RGS3: variants seen among roughly 807,000 people sequenced by gnomAD.
RGS3 encodes regulator of G-protein signalling 3.
RGS3 carries 80 observed loss-of-function variants against 132.6 expected under a neutral mutation model. The ratio of observed to expected loss-of-function variants is 0.60; its 90% confidence interval spans 0.50 to 0.73. RGS3 has a LOEUF of 0.73. Among genes scored for constraint, RGS3 ranks in the 30% least tolerant of loss-of-function variants. The pLI, the probability that RGS3 is intolerant of heterozygous loss-of-function variation, is 0.00. For missense variants in RGS3, 1,382 were observed against 1,530.8 expected (o/e 0.90, Z 1.62); for synonymous variants, 598 against 620.6 (o/e 0.96, Z 0.54).
chr9:113,530,670 T>C (rs929497974), intron 18 of RGS3, among the ~76,000 whole-genome samples: 1 of 152,266 alleles, frequency 6.6e-6, no homozygotes, highest in Non-Finnish European at 1.5e-5. Context: ...AAAGGACTTC[T>C]GCTCCATTAG....
At chr9:113,495,357 C>T (rs1830647774) in intron 7 of RGS3, among the ~76,000 whole-genome samples, 3 of 152,202 alleles carry the variant, frequency 2.0e-5, no homozygotes, top group African/African-American at 7.2e-5. Flanking sequence ...CTGCTCAGCT[C>T]CTTCCTGGAC....
At chr9:113,461,727 CTTTGCCCAA>C in exon 2 of RGS3, 1 of 1,614,018 alleles carries the variant, frequency 6.2e-7, no homozygotes. Context: ...GACAGCACAC[CTTTGCCCAA>C]TTTTCTTTCT....
At chr9:113,594,354 C>A (rs1835631114) in intron 21 of RGS3, 76 bp from the exon 20 acceptor site, 1 of 1,596,622 alleles carries the variant, frequency 6.3e-7, no homozygotes, top group Non-Finnish European at 8.5e-7. Context: ...TGCCCTCGAC[C>A]CAGCTCTCCC....
At position 113,553,459 on chromosome 9, in the gene RGS3, A is replaced by AAAAAAATATAT. The variant is rs1426114805; in HGVS notation, c.2037+16542_2037+16543insAAAAATATATA. Among the ~76,000 whole-genome samples the AAAAAAATATAT allele has an allele frequency of 4.1e-4, 24 of 58,692 alleles. 1 individual carries two copies. Among genetic ancestry groups the AAAAAAATATAT allele is most frequent in the Admixed American group, 1.6e-3 (6 of 3,642 alleles). 38.5% of individuals were successfully genotyped at this position (58,692 alleles called of 152,430 possible). ...CTCTGTTTAAAAAAAAAAAAAAAAA[A>AAAAAAATATAT]ATATATATATATATATATATATATA... On this transcript the variant is annotated intron_variant, in intron 19 of 24. Transcript: ENST00000350696.
At chr9:113,468,821 A>G (rs1362267443) in intron 3 of RGS3, among the ~76,000 whole-genome samples, 1 of 152,092 alleles carries the variant, frequency 6.6e-6, no homozygotes, top group Non-Finnish European at 1.5e-5. Flanking sequence ...CAAGCTGGAC[A>G]TGTTCTGAGG....
chr9:113,445,777 C>T (rs1445837267), intron 1 of RGS3, among the ~76,000 whole-genome samples: 1 of 152,196 alleles, frequency 6.6e-6, no homozygotes, highest in Non-Finnish European at 1.5e-5. Flanking sequence ...CGCCTGGGTT[C>T]AAGCGATTCT....
intron 19 of RGS3, among the ~76,000 whole-genome samples, chr9:113,550,961 TTTA>T (rs1252883036): frequency 6.6e-6 from 1 of 152,236 alleles, no homozygotes; most frequent in Admixed American, 6.5e-5. Context: ...TTAGAGTAGT[TTTA>T]TTGAGATTTA....
chr9:113,507,279 C>T lies in RGS3; in HGVS notation c.1086-8C>T. On this transcript the variant is annotated splice_polypyrimidine_tract_variant and splice_region_variant and intron_variant, in intron 12 of 24. Coordinates refer to ENST00000350696, the Ensembl canonical transcript of RGS3. The surrounding 1 kb of genome is among the most constrained non-coding windows in gnomAD (Gnocchi z 5.0). ...CTCAACCTGTCTGTGTGATCCCCCA[C>T]CTTCCAGGAGCTGCCCCAGTGAGAT... The T allele has an allele frequency of 6.3e-7, 1 of 1,597,664 alleles. No homozygotes were observed. Among genetic ancestry groups the T allele is most frequent in the Non-Finnish European group, 8.5e-7 (1 of 1,170,652 alleles).
At chr9:113,445,352 C>T (rs1478679726) in intron 1 of RGS3, among the ~76,000 whole-genome samples, 2 of 152,048 alleles carry the variant, frequency 1.3e-5, no homozygotes, top group Non-Finnish European at 2.9e-5. Flanking sequence ...GTGCCCACCA[C>T]CATGCCTGGC....
chr9:113,463,684 C>T lies in RGS3; in HGVS notation c.415+1483C>T, dbSNP rs1224084702. On this transcript the variant is annotated intron_variant, in intron 3 of 24. Coordinates refer to ENST00000350696, the Ensembl canonical transcript of RGS3. This position sits in a 1 kb window ranked among gnomAD's most constrained non-coding sequence, Gnocchi z 4.6. ...GCCGGGCGCGCCCTGGCCGTTCCAA[C>T]GCTTGGGGCAGCCCTACCTCCCGCT... 2.8e-6 allele frequency: 4 copies of T among 1,405,618 alleles called. No individual in the cohort carries two copies. The highest frequency in any genetic ancestry group is 3.0e-5 in the African/African-American group (2 of 66,880). 87.1% of individuals were successfully genotyped at this position (1,405,618 alleles called of 1,614,324 possible).
At chr9:113,485,873 CTG>C (rs1830316496) in intron 7 of RGS3, among the ~76,000 whole-genome samples, 180 bp downstream of exon 5, 1 of 152,192 alleles carries the variant, frequency 6.6e-6, no homozygotes, top group African/African-American at 2.4e-5. Flanking sequence ...TTACCAAGGA[CTG>C]TGTTATCAAT....
intron 19 of RGS3, among the ~76,000 whole-genome samples, chr9:113,569,268 G>A (rs559447011): frequency 6.6e-6 from 1 of 152,278 alleles, no homozygotes; most frequent in African/African-American, 2.4e-5. Flanking sequence ...AGCAGAGCTC[G>A]GGGACTCAGG....
chr9:113,536,749 C>T (rs748375469), intron 18 of RGS3, 47 bp from the exon 17 acceptor site: 1 of 1,594,770 alleles, frequency 6.3e-7, no homozygotes, highest in Admixed American at 1.7e-5. Flanking sequence ...CCCCCTGAAC[C>T]AGGGAGCAGC....
chr9:113,483,044 T>C lies in RGS3; in HGVS notation c.467-15T>C. The C allele has an allele frequency of 3.7e-6, 6 of 1,614,154 alleles. No individual in the cohort carries two copies. Among genetic ancestry groups the C allele is most frequent in the Non-Finnish European group, 5.1e-6 (6 of 1,179,974 alleles). On this transcript the variant is annotated splice_polypyrimidine_tract_variant and intron_variant, in intron 4 of 24. Coordinates refer to ENST00000350696, the Ensembl canonical transcript of RGS3. Reference sequence around the variant, plus strand: ...GTTTCCATTCATCCACCCCAATGTCTGAATTCTCTTTTAGTTATAGAAGGT... The same window carrying C: ...GTTTCCATTCATCCACCCCAATGTCCGAATTCTCTTTTAGTTATAGAAGGT...
intron 19 of RGS3, among the ~76,000 whole-genome samples, chr9:113,575,238 G>A (rs371314572): frequency 6.6e-6 from 1 of 152,208 alleles, no homozygotes; most frequent in African/African-American, 2.4e-5. Flanking sequence ...TTTTCTGAGG[G>A]GGCCCTCGTG....
chr9:113,595,833 T>C, intron 24 of RGS3, 68 bp downstream of exon 22: 1 of 1,551,502 alleles, frequency 6.4e-7, no homozygotes, highest in Non-Finnish European at 8.8e-7. Context: ...AGCTGCAAGG[T>C]GGCAGCCAGC....
chr9:113,508,732 A>G (rs1477661026), intron 14 of RGS3, 152 bp downstream of exon 12: 2 of 700,978 alleles, frequency 2.9e-6, no homozygotes, highest in Non-Finnish European at 4.9e-6. Context: ...TCCACGTGGT[A>G]CCTTTTCTCC....
intron 4 of RGS3, among the ~76,000 whole-genome samples, chr9:113,481,700 G>C (rs1329482050): frequency 6.6e-6 from 1 of 152,184 alleles, no homozygotes; most frequent in Non-Finnish European, 1.5e-5. Flanking sequence ...CCCAGGCCTT[G>C]CACCTCAGAC....
In RGS3 at chr9:113,464,609, G is replaced by C. The variant is rs546540053; in HGVS notation, c.415+2408G>C. On this transcript the variant is annotated intron_variant, in intron 3 of 24. Transcript: ENST00000350696. The stretch of plus-strand genomic sequence containing the variant: ...AACCCTTCATTTCCTCACTGGTCCT[G>C]CAACTCTCTGTGGAGAGGGGTTATT... 3.3e-5 allele frequency among the ~76,000 whole-genome samples: 5 copies of C among 152,284 alleles called. No individual in the cohort carries two copies. In the East Asian group the frequency reaches 7.7e-4, roughly 24 times the overall value.
Sources: allele counts gnomAD v4.1 joint callset (sites outside exome capture counted in the v4.1 genomes callset), GRCh38; gene constraint gnomAD v4.1.1; non-coding constraint Gnocchi (gnomAD v3.1); transcripts MANE v1.5; gene names NCBI Gene and HGNC (gene_info 2026-07-23, HGNC 2026-07-21).